Variants in ANKFY1 observed in about 807,000 individuals in gnomAD.
The protein encoded by ANKFY1 is ankyrin repeat and FYVE domain-containing protein 1.
Under a neutral mutation model 128.3 loss-of-function variants are expected in ANKFY1, and 47 were observed. That is an observed-to-expected ratio of 0.37 (90% confidence interval 0.29 to 0.47). ANKFY1 has a LOEUF of 0.47. ANKFY1 is among the 20% of genes least tolerant of loss of function. The pLI is 1.00. For missense variants in ANKFY1, 1,222 were observed against 1,510.6 expected, an observed-to-expected ratio of 0.81 and a Z score of 3.17; for synonymous variants, 553 against 601.6, an observed-to-expected ratio of 0.92 and a Z score of 1.18.
At chr17:4,229,601 A>G (rs2060480844) in intron 3 of ANKFY1, among the ~76,000 whole-genome samples, 1 of 152,218 alleles carries the variant, frequency 6.6e-6, no homozygotes, top group Admixed American at 6.5e-5. Flanking sequence ...AGCCAACACA[A>G]ACACAAACTT....
chr17:4,242,196 A>T, intron 2 of ANKFY1, 60 bp downstream of exon 2: 3 of 1,403,410 alleles, frequency 2.1e-6, no homozygotes, highest in Non-Finnish European at 2.8e-6. Context: ...GAATGAGAAA[A>T]GCTGTAGTGT....
In ANKFY1 at chr17:4,203,842, AAAG is replaced by A. The variant is rs1374015742; in HGVS notation, c.898+2476_898+2478del. ...ACAACAACAACAAAAAAAAAAAAAA[AAAG>A]AAAGAAAGAAAGAAAAAAGAAACCC... On this transcript the variant is annotated intron_variant, in intron 7 of 24. Coordinates refer to ENST00000341657, the MANE Select transcript of ANKFY1 (RefSeq NM_001330063.2). 7.2e-3 allele frequency among the ~76,000 whole-genome samples: 961 copies of A among 134,240 alleles called. 14 individuals are homozygous for A. Among genetic ancestry groups the A allele is most frequent in the African/African-American group, 0.025 (918 of 36,440 alleles). The allele number at this position is 134,240 out of a possible 152,430, so 88.1% of individuals were successfully genotyped here. A position where few individuals can be genotyped will look rare whatever the true frequency, so the allele number is the denominator to read the frequency against.
chr17:4,253,195 T>G (rs1475701237), intron 1 of ANKFY1, among the ~76,000 whole-genome samples: 1 of 152,140 alleles, frequency 6.6e-6, no homozygotes, highest in Non-Finnish European at 1.5e-5. Context: ...CACTCCAGCC[T>G]GGGCGACAGA....
At chr17:4,260,618 CAAAAAAAAAAA>C (rs60030304) in intron 1 of ANKFY1, among the ~76,000 whole-genome samples, 4 of 65,072 alleles carry the variant, frequency 6.1e-5, no homozygotes, top group Admixed American at 2.3e-4. Flanking sequence ...ATCCTGTCTC[CAAAAAAAAAAA>C]AAAAAAAAAA....
At chr17:4,200,861 T>C (rs2059915672) in intron 7 of ANKFY1, among the ~76,000 whole-genome samples, 1 of 152,200 alleles carries the variant, frequency 6.6e-6, no homozygotes, top group Non-Finnish European at 1.5e-5. Context: ...TACGATATCA[T>C]TTCATCTCCT....
At chr17:4,197,874 C>T (rs181557064) in intron 7 of ANKFY1, among the ~76,000 whole-genome samples, 3 of 152,206 alleles carry the variant, frequency 2.0e-5, no homozygotes, top group East Asian at 1.9e-4. Context: ...TCATGCCTGT[C>T]GTCCCAACAC....
intron 1 of ANKFY1, among the ~76,000 whole-genome samples, chr17:4,249,532 T>C (rs1486218059): frequency 1.3e-5 from 2 of 152,218 alleles, no homozygotes; most frequent in Non-Finnish European, 2.9e-5. Flanking sequence ...ATACAAGCCC[T>C]GTCCCCCTGC....
chr17:4,219,441 T>G (rs899047916), intron 3 of ANKFY1, among the ~76,000 whole-genome samples: 11 of 152,204 alleles, frequency 7.2e-5, no homozygotes, highest in African/African-American at 2.7e-4. Context: ...GCACATGTCC[T>G]AACAAGTCCT....
chr17:4,241,822 G>C (rs1967240870), intron 2 of ANKFY1, among the ~76,000 whole-genome samples: 1 of 151,740 alleles, frequency 6.6e-6, no homozygotes, highest in Non-Finnish European at 1.5e-5. Flanking sequence ...CGGCACGGTG[G>C]CTCACGCTTG....
chr17:4,217,903 C>T (rs182903010), intron 3 of ANKFY1, among the ~76,000 whole-genome samples: 28 of 152,152 alleles, frequency 1.8e-4, no homozygotes, highest in African/African-American at 6.3e-4. Flanking sequence ...AGGCTGGTCT[C>T]GAAATCCTGG....
chr17:4,263,158 G>C (rs1301286016), intron 1 of ANKFY1, among the ~76,000 whole-genome samples: 1 of 152,182 alleles, frequency 6.6e-6, no homozygotes, highest in Non-Finnish European at 1.5e-5. Flanking sequence ...ATAAGGCTTT[G>C]ACAATGAAGG....
rs368599333 is a variant in ANKFY1 at position 4,164,661 on chromosome 17, T to C, written c.*3118A>G. ...TTTCTCCAGATAAAAGAAACCTAGA[T>C]GGAGGTCAAGCTCTCCCCTTTCCCA... On this transcript the variant is annotated 3_prime_UTR_variant, in exon 25 of 25. Coordinates refer to ENST00000341657, the MANE Select transcript of ANKFY1 (RefSeq NM_001330063.2). The C allele has an allele frequency of 6.6e-6, 1 of 152,210 alleles. No homozygotes were observed. The highest frequency in any genetic ancestry group is 1.5e-5 in the Non-Finnish European group (1 of 68,038). The allele number at this position is 152,210 out of a possible 1,614,324, so 9.4% of individuals were successfully genotyped here.
intron 7 of ANKFY1, among the ~76,000 whole-genome samples, chr17:4,200,418 A>G (rs1172344075): frequency 2.0e-5 from 3 of 152,162 alleles, no homozygotes; most frequent in East Asian, 3.9e-4. Context: ...ATCATTTGCA[A>G]CTTGCAACTT....
Position 4,181,254 on chromosome 17 carries a change from C to T in ANKFY1, c.2240G>A (p.Ser747Asn). 1 of 1,613,196 alleles carries T rather than the reference C, an allele frequency of 6.2e-7. No individual in the cohort carries two copies. The highest frequency in any genetic ancestry group is 8.5e-7 in the Non-Finnish European group (1 of 1,179,166). The change falls in exon 16 of 25, where the codon AGT becomes AAT. Residue 747 changes from serine (S) to asparagine (N), a missense_variant and splice_region_variant. Transcript: ENST00000341657. The surrounding 1 kb of genome is among the most constrained non-coding windows in gnomAD (Gnocchi z 4.9). ...GGAGAGATACTGGGGACTCTCAGACCTGCGAATAAGAAAGCAGGCGGTGGG... is the reference window on the plus strand; with the variant it reads ...GGAGAGATACTGGGGACTCTCAGACTTGCGAATAAGAAAGCAGGCGGTGGG... The part of the protein sequence containing the change: ...NEPTACFLIR[S>N]GCDVNSPRQP...
At chr17:4,222,345 CCTT>C (rs2060339152) in intron 3 of ANKFY1, 1 of 743,976 alleles carries the variant, frequency 1.3e-6, no homozygotes, top group Admixed American at 1.8e-5. Flanking sequence ...TGACAAATGA[CCTT>C]ATTATTCACT....
chr17:4,224,249 G>C (rs2060382390), intron 3 of ANKFY1, among the ~76,000 whole-genome samples: 1 of 117,124 alleles, frequency 8.5e-6, no homozygotes, highest in Non-Finnish European at 1.7e-5. Flanking sequence ...TTTTGAGACG[G>C]AGTCTCGCTG....
At chr17:4,240,402 A>ATTTTTT (rs1555637477) in intron 2 of ANKFY1, among the ~76,000 whole-genome samples, 1 of 149,438 alleles carries the variant, frequency 6.7e-6, no homozygotes, top group African/African-American at 2.5e-5. Context: ...TTATTTATTT[A>ATTTTTT]TTTTTTTAAG....
In ANKFY1 at chr17:4,235,940, G is replaced by A; in HGVS notation, c.204-50C>T. The A allele has an allele frequency of 1.5e-6, 2 of 1,320,034 alleles. 1 individual carries two copies. Among genetic ancestry groups the A allele is most frequent in the South Asian group, 2.4e-5 (2 of 84,410 alleles). The allele number at this position is 1,320,034 out of a possible 1,614,324, so 81.8% of individuals were successfully genotyped here. The stretch of plus-strand genomic sequence containing the variant: ...TATTAGAAAAATGTCATCATAACTA[G>A]GTATAGCTAGGATTCACAGCTGATA... On this transcript the variant is annotated intron_variant, in intron 2 of 24. Coordinates refer to ENST00000341657, the MANE Select transcript of ANKFY1 (RefSeq NM_001330063.2).
At position 4,173,541 on chromosome 17, in the gene ANKFY1, C is replaced by T. The variant is rs559798243; in HGVS notation, c.2924-97G>A. On this transcript the variant is annotated intron_variant, in intron 20 of 24. Coordinates refer to ENST00000341657, the MANE Select transcript of ANKFY1 (RefSeq NM_001330063.2). ...CACAGACCTCTCTGTAAATGGGACC[C>T]GGCCACAGCAGCGACTGGCCACGCA... 206 of 1,177,440 alleles carry T rather than the reference C, an allele frequency of 1.7e-4. 1 individual carries two copies. The highest frequency in any genetic ancestry group is 2.5e-4 in the Non-Finnish European group (200 of 801,630). 72.9% of individuals were successfully genotyped at this position (1,177,440 alleles called of 1,614,324 possible). A position where few individuals can be genotyped will look rare whatever the true frequency, so the allele number is the denominator to read the frequency against.
Sources: allele counts gnomAD v4.1 joint callset (sites outside exome capture counted in the v4.1 genomes callset), GRCh38; gene constraint gnomAD v4.1.1; non-coding constraint Gnocchi (gnomAD v3.1); transcripts MANE v1.5; gene names NCBI Gene and HGNC (gene_info 2026-07-23, HGNC 2026-07-21).